NELL1: variants seen among roughly 807,000 people sequenced by gnomAD.
The protein encoded by NELL1 is protein kinase C-binding protein NELL1.
Under a neutral mutation model 107.4 loss-of-function variants are expected in NELL1, and 76 were observed. The ratio of observed to expected loss-of-function variants is 0.71; its 90% CI spans 0.59 to 0.86. NELL1 has a LOEUF of 0.86. NELL1 is among the 40% of genes least tolerant of loss of function. The probability of loss-of-function intolerance (pLI) is 0.00; values close to 1 mark genes in which losing one functional copy is unlikely to be tolerated. For synonymous variants in NELL1, 353 were observed against 341.2 expected (o/e 1.03, Z -0.38); for missense variants, 1,024 against 1,005.5 (o/e 1.02, Z -0.25).
At chr11:21,048,728 T>G (rs1428647081) in intron 12 of NELL1, among the ~76,000 whole-genome samples, 1 of 152,144 alleles carries the variant, frequency 6.6e-6, no homozygotes. Flanking sequence ...AGGCTCTCAC[T>G]TCCCTCCCTT....
chr11:21,219,786 G>A (rs925772083), intron 13 of NELL1, among the ~76,000 whole-genome samples: 7 of 152,266 alleles, frequency 4.6e-5, no homozygotes, highest in African/African-American at 1.7e-4. Flanking sequence ...TCAGTTGGCT[G>A]TTTTATTAGT....
At chr11:20,728,908 G>A (rs1855567665) in intron 2 of NELL1, among the ~76,000 whole-genome samples, 1 of 152,078 alleles carries the variant, frequency 6.6e-6, no homozygotes, top group Non-Finnish European at 1.5e-5. Flanking sequence ...GTATGGCCAT[G>A]TTAATGATGT....
At chr11:21,559,968 A>G (rs1856810014) in intron 16 of NELL1, among the ~76,000 whole-genome samples, 1 of 152,084 alleles carries the variant, frequency 6.6e-6, no homozygotes, top group Non-Finnish European at 1.5e-5. Context: ...TAAGTTATGA[A>G]CCTCAGCTTC....
chr11:21,149,289 A>G (rs543113249), intron 13 of NELL1, among the ~76,000 whole-genome samples: 10 of 152,308 alleles, frequency 6.6e-5, no homozygotes, highest in Non-Finnish European at 1.5e-4. Context: ...GGAATGGTGT[A>G]TTAGTCTGGG....
chr11:21,332,213 T>G (rs1399821818), intron 14 of NELL1, among the ~76,000 whole-genome samples: 3 of 151,994 alleles, frequency 2.0e-5, no homozygotes, highest in Non-Finnish European at 4.4e-5. Flanking sequence ...TGTGTATTAT[T>G]CTAAGGATGC....
chr11:21,452,812 C>T (rs1276578972), intron 15 of NELL1, among the ~76,000 whole-genome samples: 1 of 151,666 alleles, frequency 6.6e-6, no homozygotes, highest in Non-Finnish European at 1.5e-5. Context: ...TATAAATTAC[C>T]TTTTAATCAC....
chr11:21,178,662 G>T (rs1331800367), intron 13 of NELL1, among the ~76,000 whole-genome samples: 1 of 151,312 alleles, frequency 6.6e-6, no homozygotes, highest in African/African-American at 2.5e-5. Context: ...TACTCAGGAG[G>T]CGGAGATGAG....
chr11:21,088,504 C>A (rs1854450869), intron 12 of NELL1, among the ~76,000 whole-genome samples: 2 of 152,110 alleles, frequency 1.3e-5, no homozygotes, highest in South Asian at 4.1e-4. Flanking sequence ...CACATTTGGG[C>A]TCTTCTTGGG....
intron 12 of NELL1, among the ~76,000 whole-genome samples, chr11:21,022,692 T>C (rs1852728631): frequency 6.6e-6 from 1 of 152,118 alleles, no homozygotes; most frequent in Non-Finnish European, 1.5e-5. Context: ...GTTTCAAGTC[T>C]GAGTTCATCA....
chr11:20,976,723 TG>T (rs1851643683), intron 12 of NELL1, among the ~76,000 whole-genome samples: 1 of 152,202 alleles, frequency 6.6e-6, no homozygotes, highest in African/African-American at 2.4e-5. Context: ...ACCAGAATTC[TG>T]TGGATCATAT....
At chr11:21,110,470 CAAAAT>C (rs1401057845) in intron 12 of NELL1, among the ~76,000 whole-genome samples, 2 of 152,072 alleles carry the variant, frequency 1.3e-5, no homozygotes, top group Non-Finnish European at 2.9e-5. Flanking sequence ...TGGCTTGACT[CAAAAT>C]AAGCTTGTTA....
At chr11:21,244,980 A>G (rs1858453746) in intron 14 of NELL1, among the ~76,000 whole-genome samples, 1 of 152,176 alleles carries the variant, frequency 6.6e-6, no homozygotes, top group South Asian at 2.1e-4. Flanking sequence ...CTTAGGGCAC[A>G]TCCTGGCATA....
At chr11:20,862,993 T>C (rs1399189575) in intron 4 of NELL1, among the ~76,000 whole-genome samples, 2 of 152,124 alleles carry the variant, frequency 1.3e-5, no homozygotes, top group South Asian at 2.1e-4. Context: ...AAGTCTCCCA[T>C]GTCTACTTCT....
At chr11:21,384,454 T>G (rs1048004417) in intron 15 of NELL1, among the ~76,000 whole-genome samples, 1 of 151,986 alleles carries the variant, frequency 6.6e-6, no homozygotes, top group African/African-American at 2.4e-5. Flanking sequence ...ATTTATTTAT[T>G]TATTATTATA....
chr11:20,710,002 C>T (rs1275690344), intron 2 of NELL1, among the ~76,000 whole-genome samples: 1 of 152,142 alleles, frequency 6.6e-6, no homozygotes, highest in Non-Finnish European at 1.5e-5. Context: ...TGAACAGCAA[C>T]AGTTTGTCTT....
chr11:21,064,980 T>G (rs1399138596), intron 12 of NELL1, among the ~76,000 whole-genome samples: 1 of 152,218 alleles, frequency 6.6e-6, no homozygotes, highest in Non-Finnish European at 1.5e-5. Flanking sequence ...TTTTTACAAT[T>G]TGTAATTTTT....
chr11:20,973,983 T>A (rs1290412673), intron 12 of NELL1, among the ~76,000 whole-genome samples: 2 of 152,252 alleles, frequency 1.3e-5, no homozygotes, highest in African/African-American at 2.4e-5. Flanking sequence ...CAGCATTGTG[T>A]GAAGTCATGT....
chr11:21,482,184 T>C (rs139076995), intron 15 of NELL1, among the ~76,000 whole-genome samples: 46 of 152,368 alleles, frequency 3.0e-4, no homozygotes, highest in African/African-American at 1.1e-3. Flanking sequence ...AGGAATGCTT[T>C]GCATAAGGCA....
intron 13 of NELL1, among the ~76,000 whole-genome samples, chr11:21,203,746 G>A (rs977865756): frequency 6.6e-6 from 1 of 152,062 alleles, no homozygotes; most frequent in African/African-American, 2.4e-5. Flanking sequence ...TGCAGTGGCT[G>A]CTACTGGTTC....
Sources: allele counts gnomAD v4.1 joint callset (sites outside exome capture counted in the v4.1 genomes callset), GRCh38; gene constraint gnomAD v4.1.1; transcripts MANE v1.5; gene names NCBI Gene and HGNC (gene_info 2026-07-23, HGNC 2026-07-21).